Variants in ZNF875 observed in about 807,000 individuals in gnomAD.
The protein encoded by ZNF875 is zinc finger protein 875, also known as HKR1, GLI-Kruppel zinc finger family member.
Under a neutral mutation model 11.2 loss-of-function variants are expected in ZNF875, and 14 were observed. The observed-to-expected ratio is 1.26, with a 90% CI of 0.83 to 1.96. The LOEUF is 1.96. Ranked by LOEUF, ZNF875 falls within the 30% of genes most tolerant of loss-of-function variation. ZNF875 has a pLI of 0.00. For synonymous variants in ZNF875, 301 were observed against 281.1 expected (o/e 1.07, Z -0.71); for missense variants, 752 against 760.4 (o/e 0.99, Z 0.13).
chr19:37,351,676 T>C (rs2037924457), intron 4 of ZNF875, among the ~76,000 whole-genome samples: 1 of 152,224 alleles, frequency 6.6e-6, no homozygotes, highest in Non-Finnish European at 1.5e-5. Flanking sequence ...AACCTATTGG[T>C]TGTTTAGAAG....
intron 4 of ZNF875, among the ~76,000 whole-genome samples, chr19:37,349,246 T>C (rs1386946482): frequency 6.6e-6 from 1 of 152,194 alleles, no homozygotes; most frequent in Non-Finnish European, 1.5e-5. Context: ...CAACCCTGTT[T>C]CCAAATAAGT....
chr19:37,341,709 T>C (rs531972782), intron 2 of ZNF875, among the ~76,000 whole-genome samples: 55 of 152,222 alleles, frequency 3.6e-4, no homozygotes, highest in African/African-American at 1.2e-3. Context: ...CCTCCCAAGA[T>C]CCCCAAAAGT....
intron 2 of ZNF875, chr19:37,344,906 G>T: frequency 1.5e-6 from 1 of 681,076 alleles, no homozygotes; most frequent in Non-Finnish European, 2.7e-6. Context: ...GGACTAGGCA[G>T]ATACCTGAAT....
chr19:37,357,344 A>G (rs2039085594), intron 4 of ZNF875, among the ~76,000 whole-genome samples: 1 of 152,164 alleles, frequency 6.6e-6, no homozygotes, highest in South Asian at 2.1e-4. Context: ...TGTTTTTTCT[A>G]GTTCTGTTAG....
upstream of ZNF875, among the ~76,000 whole-genome samples, chr19:37,329,731 GT>G (rs1241200854): frequency 1.3e-5 from 2 of 152,034 alleles, no homozygotes; most frequent in Non-Finnish European, 2.9e-5. Context: ...TTCCTCAGTG[GT>G]TTTTTCCCCC....
chr19:37,361,662 G>A (rs1454066997), intron 4 of ZNF875, among the ~76,000 whole-genome samples: 2 of 152,130 alleles, frequency 1.3e-5, no homozygotes, highest in African/African-American at 4.8e-5. Flanking sequence ...AGTGGCTTAT[G>A]CCTGTAATCC....
intron 4 of ZNF875, among the ~76,000 whole-genome samples, chr19:37,348,450 G>A (rs2972598): frequency 6.6e-6 from 1 of 152,006 alleles, no homozygotes; most frequent in Non-Finnish European, 1.5e-5. Context: ...CTCATGCATG[G>A]CTTTATCATT....
At chr19:37,344,685 A>G (rs1280443782) in intron 2 of ZNF875, 2 of 1,613,738 alleles carry the variant, frequency 1.2e-6, no homozygotes, top group Non-Finnish European at 1.7e-6. Flanking sequence ...GGAGTGAATC[A>G]TGAGGGTCAA....
upstream of ZNF875, among the ~76,000 whole-genome samples, chr19:37,314,242 G>C (rs963337109): frequency 1.3e-5 from 2 of 152,122 alleles, no homozygotes; most frequent in South Asian, 4.2e-4. Flanking sequence ...CTACCTAGTA[G>C]CTGAGACCAC....
intron 4 of ZNF875, among the ~76,000 whole-genome samples, chr19:37,327,594 C>T (rs2032698557): frequency 6.6e-6 from 1 of 150,756 alleles, no homozygotes; most frequent in Admixed American, 6.6e-5. Flanking sequence ...ATGGCAAAAC[C>T]CCGTCTCTAC....
chr19:37,327,887 T>A (rs934864419), intron 4 of ZNF875, among the ~76,000 whole-genome samples: 3 of 152,204 alleles, frequency 2.0e-5, no homozygotes, highest in Admixed American at 2.0e-4. Flanking sequence ...GTAGTGATTG[T>A]GTTCTTTCCT....
At chr19:37,361,077 A>G (rs1426340147) in intron 4 of ZNF875, among the ~76,000 whole-genome samples, 1 of 125,360 alleles carries the variant, frequency 8.0e-6, no homozygotes, top group African/African-American at 2.9e-5. Context: ...GATGCCTTTC[A>G]TTTATTTTCT....
At chr19:37,329,263 G>A (rs1239654290) in intron 4 of ZNF875, among the ~76,000 whole-genome samples, 3 of 152,050 alleles carry the variant, frequency 2.0e-5, no homozygotes, top group Admixed American at 6.6e-5. Flanking sequence ...TCAGAGCCTC[G>A]CACCACCCAG....
rs1219656729 is a variant in ZNF875, at chr19:37,364,228, T to C, written c.*453T>C. On this transcript the variant is annotated 3_prime_UTR_variant, in exon 5 of 5. Coordinates refer to ENST00000392153, the MANE Select transcript of ZNF875 (RefSeq NM_001353803.2). The stretch of plus-strand genomic sequence containing the variant: ...TTTACGTATACCTGCCCTTTCCTAA[T>C]TGGTTTTTACACTGCTGTGCCCACC... 1.2e-5 allele frequency: 2 copies of C among 169,464 alleles called. No individual in the cohort carries two copies. The highest frequency in any genetic ancestry group is 2.4e-5 in the African/African-American group (1 of 41,690). 10.5% of individuals were successfully genotyped at this position (169,464 alleles called of 1,614,324 possible).
chr19:37,333,405 G>A (rs1781313409), upstream of ZNF875, among the ~76,000 whole-genome samples: 2 of 152,142 alleles, frequency 1.3e-5, no homozygotes, highest in Non-Finnish European at 2.9e-5. Flanking sequence ...TACCTGGGCT[G>A]GAATAGGGCT....
At position 37,326,090 on chromosome 19, in the gene ZNF875, T is replaced by C. The variant is rs139636819; in HGVS notation, c.-603+1825T>C. Among the ~76,000 whole-genome samples the C allele has an allele frequency of 6.3e-3, 964 of 152,242 alleles. 26 individuals are homozygous for C. Among genetic ancestry groups the C allele is most frequent in the East Asian group, 0.053 (272 of 5,166 alleles). On this transcript the variant is annotated intron_variant, in intron 4 of 5. Transcript: ENST00000544914. ...ATTCCTGGCTCAAGCAGTCCTCCTG[T>C]CTTGGCCTTCCAAAGTGCTGGGATT...
upstream of ZNF875, among the ~76,000 whole-genome samples, chr19:37,313,927 C>T (rs1652965909): frequency 6.6e-6 from 1 of 152,108 alleles, no homozygotes; most frequent in African/African-American, 2.4e-5. Flanking sequence ...GAGTCCTTGT[C>T]ATACATATTT....
At chr19:37,330,774 C>T (rs2033246671), upstream of ZNF875, among the ~76,000 whole-genome samples, 1 of 152,024 alleles carries the variant, frequency 6.6e-6, no homozygotes, top group Non-Finnish European at 1.5e-5. Context: ...AGAGTAATTC[C>T]CTCTCTTCCC....
intron 1 of ZNF875, among the ~76,000 whole-genome samples, chr19:37,319,465 C>T (rs1388553846): frequency 6.6e-6 from 1 of 151,156 alleles, no homozygotes; most frequent in Non-Finnish European, 1.5e-5. Flanking sequence ...GTGAATGAGA[C>T]ACCTATAGGC....
Sources: allele counts gnomAD v4.1 joint callset (sites outside exome capture counted in the v4.1 genomes callset), GRCh38; gene constraint gnomAD v4.1.1; transcripts MANE v1.5; gene names NCBI Gene and HGNC (gene_info 2026-07-23, HGNC 2026-07-21).